Variants in DCC observed in about 807,000 individuals in gnomAD.
The protein encoded by DCC is DCC netrin 1 receptor.
A neutral mutation model predicts 172.5 loss-of-function variants in DCC; 58 were observed. The observed-to-expected ratio is 0.34, with a 90% confidence interval of 0.27 to 0.42. The LOEUF (loss-of-function observed/expected upper bound fraction) is 0.42, where lower values mean the gene tolerates loss of function less well. Among genes scored for constraint, DCC ranks in the 10% least tolerant of loss-of-function variants. The probability of loss-of-function intolerance (pLI) is 1.00; values close to 1 mark genes in which losing one functional copy is unlikely to be tolerated. For synonymous variants in DCC, 709 were observed against 644.5 expected (o/e 1.10, Z -1.52); for missense variants, 1,740 against 1,791.0 (o/e 0.97, Z 0.51).
chr18:52,858,899 T>C (rs1416001605), intron 2 of DCC, among the ~76,000 whole-genome samples: 9 of 152,194 alleles, frequency 5.9e-5, no homozygotes, highest in African/African-American at 1.9e-4. Flanking sequence ...CCAAGGACTT[T>C]CCATGATTAA....
chr18:52,887,964 A>G (rs931068496), intron 2 of DCC, among the ~76,000 whole-genome samples: 2 of 152,216 alleles, frequency 1.3e-5, no homozygotes, highest in East Asian at 3.8e-4. Context: ...CCTTTGAAAG[A>G]AAGTCTCTTA....
chr18:52,831,150 A>C (rs2038607169), intron 2 of DCC, among the ~76,000 whole-genome samples: 1 of 152,166 alleles, frequency 6.6e-6, no homozygotes, highest in African/African-American at 2.4e-5. Flanking sequence ...GTGGCAAGCA[A>C]CCAACAGTGC....
chr18:52,447,397 G>A (rs556084636), intron 1 of DCC, among the ~76,000 whole-genome samples: 11 of 152,306 alleles, frequency 7.2e-5, no homozygotes, highest in Non-Finnish European at 1.6e-4. Context: ...GTCAGCATGT[G>A]TTAAGTGCCC....
chr18:53,419,204 A>G (rs562396212), intron 21 of DCC, among the ~76,000 whole-genome samples: 2 of 152,246 alleles, frequency 1.3e-5, no homozygotes, highest in Admixed American at 6.5e-5. Flanking sequence ...GGTACATGAG[A>G]TGCTTTGATA....
intron 5 of DCC, among the ~76,000 whole-genome samples, chr18:53,012,926 C>A (rs896015756): frequency 6.6e-6 from 1 of 152,084 alleles, no homozygotes; most frequent in Admixed American, 6.6e-5. Context: ...TATGAACAGA[C>A]ACTTCTCAAA....
chr18:52,910,663 C>G (rs12971123), intron 3 of DCC, among the ~76,000 whole-genome samples: 59,817 of 151,876 alleles, frequency 0.39, 12,359 homozygotes, highest in Non-Finnish European at 0.47. Flanking sequence ...TTGAATTGCA[C>G]AATTATAAAT....
intron 17 of DCC, among the ~76,000 whole-genome samples, chr18:53,395,691 G>A (rs1227668331): frequency 1.3e-5 from 2 of 152,128 alleles, no homozygotes; most frequent in Non-Finnish European, 2.9e-5. Context: ...GGTCCAGGCT[G>A]GAGTGCAATG....
chr18:53,462,946 C>T (rs2045578002), intron 24 of DCC, among the ~76,000 whole-genome samples: 1 of 152,270 alleles, frequency 6.6e-6, no homozygotes, highest in South Asian at 2.1e-4. Context: ...GGCCCTCTCT[C>T]AACCTTGCTC....
chr18:53,020,222 A>C (rs904884123), intron 5 of DCC, among the ~76,000 whole-genome samples: 1 of 152,170 alleles, frequency 6.6e-6, no homozygotes, highest in Admixed American at 6.5e-5. Flanking sequence ...CAAATGTTTT[A>C]GGGCAATTTA....
At chr18:52,726,496 C>G (rs567071560) in intron 1 of DCC, among the ~76,000 whole-genome samples, 23 of 152,188 alleles carry the variant, frequency 1.5e-4, no homozygotes, top group Non-Finnish European at 3.1e-4. Context: ...CCCCACCTGC[C>G]TGGTCTCACA....
chr18:52,360,862 C>T (rs573961814), intron 1 of DCC, among the ~76,000 whole-genome samples: 6 of 152,170 alleles, frequency 3.9e-5, no homozygotes, highest in African/African-American at 9.7e-5. Flanking sequence ...AAGGAAAGGG[C>T]CAGTTTGGGA....
At chr18:52,534,661 C>A (rs2032240827) in intron 1 of DCC, among the ~76,000 whole-genome samples, 1 of 152,080 alleles carries the variant, frequency 6.6e-6, no homozygotes, top group Admixed American at 6.6e-5. Context: ...TTTAATACCA[C>A]CTTGCAGATT....
At chr18:52,996,285 G>A (rs2041476884) in intron 5 of DCC, among the ~76,000 whole-genome samples, 1 of 151,626 alleles carries the variant, frequency 6.6e-6, no homozygotes, top group Admixed American at 6.6e-5. Flanking sequence ...TAATTATATT[G>A]TTGTTTAAAA....
At position 53,164,991 on chromosome 18, in the gene DCC, A is replaced by G. The variant is rs1007181457; in HGVS notation, c.1418+7479A>G. On this transcript the variant is annotated intron_variant, in intron 8 of 28. Coordinates refer to ENST00000442544, the MANE Select transcript of DCC (RefSeq NM_005215.4). The stretch of plus-strand genomic sequence containing the variant: ...TCAATGCAAGGTTTCTAGTCCAGTG[A>G]TCTCTTCACTGTGCCATACAAAGTG... Among the ~76,000 whole-genome samples the G allele has an allele frequency of 2.6e-5, 4 of 152,308 alleles. No homozygotes were observed. The East Asian group carries it at 5.8e-4, about 22-fold the overall frequency.
intron 5 of DCC, among the ~76,000 whole-genome samples, chr18:53,027,040 A>C (rs2143943124): frequency 6.6e-6 from 1 of 152,278 alleles, no homozygotes; most frequent in Non-Finnish European, 1.5e-5. Context: ...TATTCACTTA[A>C]AAAATACAAC....
rs867156917 is a variant in DCC at position 52,919,506 on chromosome 18, T to C, written c.698-4201T>C. ...TCTGGCAAAAGCTGACATTTTCATA[T>C]GAATGTATGTACAAATTCCAATGCC... On this transcript the variant is annotated intron_variant, in intron 3 of 28. Transcript: ENST00000442544. Among the ~76,000 whole-genome samples the C allele has an allele frequency of 2.0e-5, 3 of 152,196 alleles. No homozygotes were observed. The South Asian group carries it at 6.2e-4, about 31-fold the overall frequency.
intron 5 of DCC, 90 bp from the exon 6 acceptor site, chr18:53,063,215 G>C (rs2042520239): frequency 2.7e-6 from 3 of 1,122,348 alleles, no homozygotes. Context: ...TTCTATCCCA[G>C]AGCAGTGTTT....
chr18:52,678,121 G>C (rs1188662618), intron 1 of DCC, among the ~76,000 whole-genome samples: 1 of 152,136 alleles, frequency 6.6e-6, no homozygotes, highest in African/African-American at 2.4e-5. Context: ...ATACTGATCA[G>C]CCTTTGCCCT....
intron 5 of DCC, among the ~76,000 whole-genome samples, chr18:52,963,423 T>A (rs149976619): frequency 2.0e-5 from 3 of 152,118 alleles, no homozygotes; most frequent in African/African-American, 7.2e-5. Flanking sequence ...TGATAAATGA[T>A]ACTTCTAAAG....
Sources: gnomAD v4.1 joint callset for allele counts (sites outside exome capture counted in the v4.1 genomes callset) on GRCh38, gnomAD v4.1.1 for gene constraint, MANE v1.5 for transcripts, NCBI Gene and HGNC (gene_info 2026-07-23, HGNC 2026-07-21) for gene names.